CELF2: variants seen among roughly 807,000 people sequenced by gnomAD.
CELF2 encodes CUG triplet repeat RNA-binding protein 2.
Under a neutral mutation model 62.6 loss-of-function variants are expected in CELF2, and 8 were observed. The observed-to-expected ratio is 0.13, with a 90% CI of 0.07 to 0.23. The LOEUF (loss-of-function observed/expected upper bound fraction) is 0.23. Ranked by LOEUF, CELF2 falls within the 10% of genes least tolerant of loss-of-function variation. CELF2 has a pLI of 1.00. For missense variants in CELF2, 333 were observed against 671.0 expected (o/e 0.50, Z 5.56); for synonymous variants, 258 against 250.0 (o/e 1.03, Z -0.30).
At chr10:10,518,726 T>A in the CELF2 span, among the ~76,000 whole-genome samples, 5,097 of 150,974 alleles carry the variant, frequency 0.034, 94 homozygotes, top group African/African-American at 0.047. Context: ...GATTTTTTTT[T>A]AAAAAAAAAT....
the CELF2 span, among the ~76,000 whole-genome samples, chr10:10,693,933 C>T: frequency 0.011 from 1,634 of 150,172 alleles, 15 homozygotes; most frequent in African/African-American, 0.022. Flanking sequence ...TAGCAATCTA[C>T]CTATTTTGTT....
At position 11,110,683 on chromosome 10, in the gene CELF2, C is replaced by G. The variant is rs1346642825; in HGVS notation, c.75-54803C>G. ...CAGCCAGTGTGACGTTGAGAGTGTT[C>G]TCATGGGTCGTTGGCATTCTCAGCA... On this transcript the variant is annotated intron_variant, in intron 1 of 12. Transcript: ENST00000633077. The surrounding 1 kb of genome is among the most constrained non-coding windows in gnomAD (Gnocchi z 4.0). Among the ~76,000 whole-genome samples, 1 of 152,120 alleles carries G rather than the reference C, an allele frequency of 6.6e-6. No individual in the cohort carries two copies. Among genetic ancestry groups the G allele is most frequent in the Non-Finnish European group, 1.5e-5 (1 of 68,028 alleles).
intron 3 of CELF2, among the ~76,000 whole-genome samples, chr10:11,229,650 C>T (rs377444661): frequency 1.3e-5 from 2 of 150,040 alleles, no homozygotes; most frequent in Non-Finnish European, 3.0e-5. Flanking sequence ...AGTGCAGTGG[C>T]GCAATCTTGG....
At chr10:10,640,308 T>C in the CELF2 span, among the ~76,000 whole-genome samples, 1 of 152,096 alleles carries the variant, frequency 6.6e-6, no homozygotes, top group Non-Finnish European at 1.5e-5. Flanking sequence ...GAAAACATTA[T>C]TCTCCTTCTC....
At chr10:10,759,745 A>G in the CELF2 span, among the ~76,000 whole-genome samples, 1 of 152,130 alleles carries the variant, frequency 6.6e-6, no homozygotes, top group Non-Finnish European at 1.5e-5. Context: ...CTGAATTCTC[A>G]TCTTCCTCTC....
intron 1 of CELF2, among the ~76,000 whole-genome samples, chr10:10,913,629 G>A (rs2064024980): frequency 1.3e-5 from 2 of 150,754 alleles, no homozygotes; most frequent in South Asian, 4.2e-4. Context: ...GAACTCGGGT[G>A]ATCCACCTGC....
chr10:10,512,617 G>A, the CELF2 span, among the ~76,000 whole-genome samples: 4 of 151,998 alleles, frequency 2.6e-5, no homozygotes, highest in Non-Finnish European at 4.4e-5. Flanking sequence ...GTTTCACCGT[G>A]TTGGCCAGGC....
intron 1 of CELF2, chr10:11,030,770 C>G (rs961998379): frequency 6.6e-6 from 1 of 152,202 alleles, no homozygotes; most frequent in Non-Finnish European, 1.5e-5. Context: ...CAGCAATCTT[C>G]TACTTGTTCT....
chr10:10,817,614 T>C (rs117133159), intron 1 of CELF2, among the ~76,000 whole-genome samples: 3,916 of 152,306 alleles, frequency 0.026, 62 homozygotes, highest in Non-Finnish European at 0.04. Flanking sequence ...TTTAACATAA[T>C]GATCTCCAGT....
At chr10:10,986,832 A>G (rs149438005) in intron 2 of CELF2, among the ~76,000 whole-genome samples, 98 of 152,320 alleles carry the variant, frequency 6.4e-4, no homozygotes, top group African/African-American at 2.3e-3. Flanking sequence ...CTACAAGGTC[A>G]CGCGTTCTTA....
the CELF2 span, among the ~76,000 whole-genome samples, chr10:10,529,161 T>C: frequency 4.1e-4 from 63 of 152,340 alleles, no homozygotes; most frequent in African/African-American, 1.5e-3. Context: ...AGTCTAGCAA[T>C]GCAGACACGG....
the CELF2 span, among the ~76,000 whole-genome samples, chr10:10,535,502 G>A: frequency 6.6e-6 from 1 of 152,106 alleles, no homozygotes; most frequent in Admixed American, 6.5e-5. Context: ...GGTGGATCAT[G>A]AGGTCAGGAG....
chr10:11,189,292 A>C (rs1406213189), intron 2 of CELF2, among the ~76,000 whole-genome samples: 1 of 152,174 alleles, frequency 6.6e-6, no homozygotes, highest in Non-Finnish European at 1.5e-5. Flanking sequence ...GTTAAATAAT[A>C]TATATTTTTA....
the CELF2 span, among the ~76,000 whole-genome samples, chr10:10,580,924 A>G: frequency 1.3e-5 from 2 of 152,236 alleles, no homozygotes; most frequent in Admixed American, 1.3e-4. Context: ...TGTGAGTGGT[A>G]AGGAATGATT....
chr10:11,106,623 C>A (rs972912420), intron 1 of CELF2, among the ~76,000 whole-genome samples: 1 of 152,188 alleles, frequency 6.6e-6, no homozygotes, highest in Non-Finnish European at 1.5e-5. Context: ...GGACCCAGCA[C>A]CCTCCAGGGT....
At chr10:10,696,483 G>A in the CELF2 span, among the ~76,000 whole-genome samples, 31,553 of 150,614 alleles carry the variant, frequency 0.21, 3,308 homozygotes, top group South Asian at 0.42. Context: ...CCCCAGAGGT[G>A]GAGCCTACAG....
intron 1 of CELF2, among the ~76,000 whole-genome samples, chr10:11,062,242 A>G (rs2066949950): frequency 6.6e-6 from 1 of 152,220 alleles, no homozygotes; most frequent in Non-Finnish European, 1.5e-5. Flanking sequence ...AAAGAGATTA[A>G]TGTTGTTTTC....
At chr10:10,696,046 G>A in the CELF2 span, among the ~76,000 whole-genome samples, 2 of 151,854 alleles carry the variant, frequency 1.3e-5, no homozygotes, top group Non-Finnish European at 2.9e-5. Flanking sequence ...TCCGTTGCTG[G>A]TGAGGAACTG....
At chr10:11,155,319 C>T (rs10905904) in intron 1 of CELF2, among the ~76,000 whole-genome samples, 16,649 of 152,198 alleles carry the variant, frequency 0.11, 968 homozygotes, top group Middle Eastern at 0.19. Flanking sequence ...GCCCCTGCTG[C>T]GAGTGGGCTT....
Sources: gnomAD v4.1 joint callset for allele counts (sites outside exome capture counted in the v4.1 genomes callset) on GRCh38, gnomAD v4.1.1 for gene constraint, Gnocchi (gnomAD v3.1) non-coding constraint, MANE v1.5 for transcripts, NCBI Gene and HGNC (gene_info 2026-07-23, HGNC 2026-07-21) for gene names.